FSTL4: variants seen among roughly 807,000 people sequenced by gnomAD.
The protein encoded by FSTL4 is follistatin like 4, also known as follistatin-related protein 4.
FSTL4 carries 28 observed loss-of-function variants against 78.2 expected under a neutral mutation model. The ratio of observed to expected loss-of-function variants is 0.36; its 90% CI spans 0.27 to 0.49. The LOEUF (loss-of-function observed/expected upper bound fraction) is 0.49. FSTL4 is among the 20% of genes least tolerant of loss of function. FSTL4 has a pLI of 0.98. For synonymous variants in FSTL4, 422 were observed against 440.5 expected (o/e 0.96, Z 0.53); for missense variants, 922 against 1,084.9 (o/e 0.85, Z 2.11).
In FSTL4 at chr5:133,199,491, C is replaced by A. The variant is rs1216595514; in HGVS notation, c.2133G>T (p.Leu711=). The A allele has an allele frequency of 2.5e-6, 4 of 1,614,220 alleles. No individual in the cohort carries two copies. In the South Asian group the frequency reaches 3.3e-5, roughly 13 times the overall value. The change falls in exon 16 of 16, where the codon CTG becomes CTT. Residue 711 remains leucine, a synonymous_variant. Coordinates refer to ENST00000265342, the MANE Select transcript of FSTL4 (RefSeq NM_015082.2). The surrounding 1 kb of genome is among the most constrained non-coding windows in gnomAD (Gnocchi z 4.4). ...IVSAAADSPW[L]HVQEITVRGE... is the part of the protein sequence containing the mutation. The stretch of plus-strand genomic sequence containing the variant: ...CCCGCACTGTGATCTCCTGCACGTG[C>A]AGCCAGGGGCTGTCAGCTGCAGCAC...
At chr5:133,839,127 T>A in the FSTL4 span, among the ~76,000 whole-genome samples, 2 of 152,202 alleles carry the variant, frequency 1.3e-5, no homozygotes, top group African/African-American at 4.8e-5. Context: ...AGCCCTTGTG[T>A]CAGCTCAGCT....
the FSTL4 span, among the ~76,000 whole-genome samples, chr5:133,792,172 T>C: frequency 3.9e-5 from 6 of 152,170 alleles, no homozygotes; most frequent in Non-Finnish European, 5.9e-5. Context: ...GTCTCCATGA[T>C]GCAGCTGACC....
intron 4 of FSTL4, among the ~76,000 whole-genome samples, chr5:133,355,483 C>T (rs1754920962): frequency 6.6e-6 from 1 of 152,084 alleles, no homozygotes; most frequent in Admixed American, 6.6e-5. Flanking sequence ...TGGTGAAACC[C>T]CATCTCTACT....
chr5:133,232,964 G>A (rs561388698), intron 8 of FSTL4, among the ~76,000 whole-genome samples: 4 of 152,326 alleles, frequency 2.6e-5, no homozygotes, highest in East Asian at 1.9e-4. Context: ...GGAGGGAGAC[G>A]GACACAAGCC....
intron 3 of FSTL4, among the ~76,000 whole-genome samples, chr5:133,479,288 G>T (rs544642301): frequency 6.6e-6 from 1 of 152,322 alleles, no homozygotes; most frequent in Admixed American, 6.5e-5. Flanking sequence ...GGAGTAAATA[G>T]GTGTCAGTTT....
upstream of FSTL4, among the ~76,000 whole-genome samples, chr5:133,613,113 C>G (rs1212785271): frequency 6.6e-6 from 1 of 152,246 alleles, no homozygotes; most frequent in African/African-American, 2.4e-5. Context: ...CCCAGAGGGT[C>G]CCTTCTCCCT....
At chr5:133,385,937 T>G (rs774573441) in intron 4 of FSTL4, among the ~76,000 whole-genome samples, 3 of 152,190 alleles carry the variant, frequency 2.0e-5, no homozygotes, top group East Asian at 1.9e-4. Flanking sequence ...GTGTGTGTTT[T>G]TTTTTTAAAT....
At chr5:133,717,379 T>C in the FSTL4 span, among the ~76,000 whole-genome samples, 1 of 152,250 alleles carries the variant, frequency 6.6e-6, no homozygotes, top group Non-Finnish European at 1.5e-5. Context: ...AATATGCTGA[T>C]TGTTTTAAAT....
rs1196541234 is a variant in FSTL4 at position 133,249,586 on chromosome 5, G to C, written c.728-10C>G. The C allele has an allele frequency of 9.3e-6, 15 of 1,604,726 alleles. No individual in the cohort carries two copies. Among genetic ancestry groups the C allele is most frequent in the Non-Finnish European group, 1.3e-5 (15 of 1,173,004 alleles). ...CTGAGCTGAACCACTTCTGCAGAGG[G>C]AAAGGAGGAGGCACGGTCAGGTGCA... On this transcript the variant is annotated splice_polypyrimidine_tract_variant and intron_variant, in intron 6 of 15. Transcript: ENST00000265342.
At chr5:133,666,771 A>G in the FSTL4 span, among the ~76,000 whole-genome samples, 1 of 152,184 alleles carries the variant, frequency 6.6e-6, no homozygotes, top group African/African-American at 2.4e-5. Flanking sequence ...GAATCAAAAT[A>G]TTTAATTGGA....
At chr5:133,816,330 A>C in the FSTL4 span, among the ~76,000 whole-genome samples, 1 of 152,182 alleles carries the variant, frequency 6.6e-6, no homozygotes, top group Non-Finnish European at 1.5e-5. Flanking sequence ...GACAGTGTGG[A>C]GTCAGGTGGG....
chr5:133,520,095 C>T (rs1435826141), intron 3 of FSTL4, among the ~76,000 whole-genome samples: 1 of 152,138 alleles, frequency 6.6e-6, no homozygotes, highest in African/African-American at 2.4e-5. Context: ...TTTTTTTCCT[C>T]TTTTCTTCTC....
At chr5:133,602,801 C>T (rs1760901185) in intron 2 of FSTL4, among the ~76,000 whole-genome samples, 1 of 152,140 alleles carries the variant, frequency 6.6e-6, no homozygotes, top group Non-Finnish European at 1.5e-5. Flanking sequence ...TTCTGAGGCT[C>T]CCCAAAGATT....
the FSTL4 span, among the ~76,000 whole-genome samples, chr5:133,794,236 C>G: frequency 1.3e-5 from 2 of 152,350 alleles, no homozygotes; most frequent in African/African-American, 4.8e-5. Context: ...TAGAAGGGCT[C>G]ATGCTTTGGG....
At chr5:133,367,802 C>G (rs1755209416) in intron 4 of FSTL4, among the ~76,000 whole-genome samples, 1 of 152,248 alleles carries the variant, frequency 6.6e-6, no homozygotes, top group South Asian at 2.1e-4. Context: ...TTTAAAGAGC[C>G]TGCCAGCTAT....
At chr5:133,399,022 C>T (rs1161217101) in intron 4 of FSTL4, among the ~76,000 whole-genome samples, 2 of 152,208 alleles carry the variant, frequency 1.3e-5, no homozygotes, top group Admixed American at 6.5e-5. Flanking sequence ...CCCCATCACT[C>T]CTCACCTCGG....
intron 6 of FSTL4, among the ~76,000 whole-genome samples, chr5:133,251,424 G>C (rs1014617009): frequency 1.3e-5 from 2 of 152,170 alleles, no homozygotes; most frequent in Non-Finnish European, 2.9e-5. Context: ...TCCTGGTATG[G>C]AAACAGGCCC....
Position 133,448,696 on chromosome 5 carries a change from A to C in FSTL4, c.161-47710T>G, listed in dbSNP as rs556967526. Among the ~76,000 whole-genome samples the C allele has an allele frequency of 5.8e-5, 7 of 120,120 alleles. No individual in the cohort carries two copies. In the East Asian group the frequency reaches 1.7e-3, roughly 30 times the overall value. 78.8% of individuals were successfully genotyped at this position (120,120 alleles called of 152,430 possible). A position where few individuals can be genotyped will look rare whatever the true frequency, so the allele number is the denominator to read the frequency against. On this transcript the variant is annotated intron_variant, in intron 3 of 15. Transcript: ENST00000265342. ...GGTTGAGAGGTCGCTGACAGCTCCC[A>C]AGGTCAGACAGTGCGGCTTCAGAAT...
chr5:133,718,787 C>A, the FSTL4 span, among the ~76,000 whole-genome samples: 1 of 152,178 alleles, frequency 6.6e-6, no homozygotes, highest in African/African-American at 2.4e-5. Context: ...AATTAGCAAG[C>A]ATTTACTCTT....
Sources: allele counts gnomAD v4.1 joint callset (sites outside exome capture counted in the v4.1 genomes callset), GRCh38; gene constraint gnomAD v4.1.1; non-coding constraint Gnocchi (gnomAD v3.1); transcripts MANE v1.5; gene names NCBI Gene and HGNC (gene_info 2026-07-23, HGNC 2026-07-21).